CCNY: variants seen among roughly 807,000 people sequenced by gnomAD.
The protein encoded by CCNY is cyclin-Y.
In CCNY, 19 loss-of-function variants were observed where a neutral mutation model predicts 42.8. The ratio of observed to expected loss-of-function variants is 0.44; its 90% CI spans 0.31 to 0.65. CCNY has a LOEUF of 0.65. CCNY is among the 30% of genes least tolerant of loss of function. The pLI, the probability that CCNY is intolerant of heterozygous loss-of-function variation, is 0.07. For synonymous variants in CCNY, 165 were observed against 162.7 expected, an observed-to-expected ratio of 1.01 and a Z score of -0.11; for missense variants, 370 against 437.3, an observed-to-expected ratio of 0.85 and a Z score of 1.37.
chr10:35,458,176 C>A (rs1187383221), intron 1 of CCNY, among the ~76,000 whole-genome samples: 1 of 152,188 alleles, frequency 6.6e-6, no homozygotes, highest in Non-Finnish European at 1.5e-5. Context: ...AGGAACTGGG[C>A]TTTGGGGGTA....
chr10:35,411,507 T>G (rs887068275), intron 1 of CCNY, among the ~76,000 whole-genome samples: 4 of 117,308 alleles, frequency 3.4e-5, no homozygotes, highest in African/African-American at 1.5e-4. Flanking sequence ...AGAGCAAGAC[T>G]CTGTCAAAAA....
At chr10:35,414,971 A>AAGAG (rs1260456136) in intron 1 of CCNY, among the ~76,000 whole-genome samples, 4 of 152,216 alleles carry the variant, frequency 2.6e-5, no homozygotes, top group Non-Finnish European at 5.9e-5. Context: ...TTCCATAAAG[A>AAGAG]AGAGACAAGG....
At chr10:35,522,503 A>G (rs1840569528) in intron 4 of CCNY, among the ~76,000 whole-genome samples, 1 of 152,170 alleles carries the variant, frequency 6.6e-6, no homozygotes, top group Admixed American at 6.5e-5. Context: ...GGCAAGGGCA[A>G]TAAGAGCCAC....
chr10:35,258,092 C>T (rs1050256293), intron 3 of CCNY, among the ~76,000 whole-genome samples: 6 of 152,118 alleles, frequency 3.9e-5, no homozygotes, highest in Admixed American at 3.3e-4. Flanking sequence ...CTTTGGGAGG[C>T]AGAGGTTGCA....
intron 9 of CCNY, 107 bp from the exon 10 acceptor site, chr10:35,568,947 C>G: frequency 1.4e-6 from 1 of 729,508 alleles, no homozygotes; most frequent in Non-Finnish European, 2.4e-6. Flanking sequence ...TCCACAGGGG[C>G]AGGGGCTCTG....
intron 3 of CCNY, among the ~76,000 whole-genome samples, chr10:35,259,011 C>G (rs997769324): frequency 5.9e-5 from 9 of 151,808 alleles, no homozygotes; most frequent in African/African-American, 2.2e-4. Context: ...TAGCTGCTAC[C>G]GCACCAAGAG....
chr10:35,478,902 A>G (rs945002007), intron 1 of CCNY, among the ~76,000 whole-genome samples: 1 of 152,244 alleles, frequency 6.6e-6, no homozygotes, highest in Non-Finnish European at 1.5e-5. Context: ...AATGAACTCA[A>G]ACAAATTTAC....
At chr10:35,546,956 T>A (rs1165108105) in intron 7 of CCNY, among the ~76,000 whole-genome samples, 1 of 152,220 alleles carries the variant, frequency 6.6e-6, no homozygotes, top group Non-Finnish European at 1.5e-5. Flanking sequence ...GGGATCTGGG[T>A]GAAGATTGAG....
chr10:35,480,014 A>G (rs908132426), intron 1 of CCNY, among the ~76,000 whole-genome samples: 7 of 151,578 alleles, frequency 4.6e-5, no homozygotes, highest in African/African-American at 7.3e-5. Flanking sequence ...TTGTTCCCCA[A>G]GGAGGTAGAG....
At chr10:35,397,966 G>T (rs1186207056) in intron 1 of CCNY, among the ~76,000 whole-genome samples, 1 of 152,188 alleles carries the variant, frequency 6.6e-6, no homozygotes, top group African/African-American at 2.4e-5. Context: ...CTTGCTTCCA[G>T]GGCCGAGGGA....
At chr10:35,432,516 A>G (rs1474130294) in intron 1 of CCNY, among the ~76,000 whole-genome samples, 4 of 152,232 alleles carry the variant, frequency 2.6e-5, no homozygotes, top group South Asian at 2.1e-4. Flanking sequence ...ATACTGTGCT[A>G]TGCTTTGGGT....
chr10:35,329,148 A>G (rs1835912043), intron 3 of CCNY, among the ~76,000 whole-genome samples: 1 of 152,246 alleles, frequency 6.6e-6, no homozygotes, highest in African/African-American at 2.4e-5. Flanking sequence ...ATATGGCAAT[A>G]TTAAGAGATT....
intron 1 of CCNY, among the ~76,000 whole-genome samples, chr10:35,391,241 C>G (rs1837406676): frequency 6.6e-6 from 1 of 152,168 alleles, no homozygotes; most frequent in Non-Finnish European, 1.5e-5. Flanking sequence ...CTATGTTGTT[C>G]CCCTATTGGC....
intron 1 of CCNY, among the ~76,000 whole-genome samples, chr10:35,354,467 G>C (rs1009615247): frequency 1.3e-5 from 2 of 152,172 alleles, no homozygotes; most frequent in African/African-American, 4.8e-5. Context: ...TTACAGGCAT[G>C]AGTCACCGCA....
chr10:35,426,474 A>G (rs147556953), intron 1 of CCNY, among the ~76,000 whole-genome samples: 30 of 152,354 alleles, frequency 2.0e-4, no homozygotes, highest in African/African-American at 7.2e-4. Flanking sequence ...TGCAGGCAGT[A>G]GCCACTGCAT....
chr10:35,404,821 G>A (rs562234275), intron 1 of CCNY, among the ~76,000 whole-genome samples: 2 of 152,320 alleles, frequency 1.3e-5, no homozygotes, highest in East Asian at 1.9e-4. Flanking sequence ...TAATGGATGA[G>A]GAAGAAATTT....
intron 1 of CCNY, among the ~76,000 whole-genome samples, chr10:35,452,770 T>TAAAAAAAA (rs35849411): frequency 1.7e-5 from 2 of 115,902 alleles, no homozygotes. Flanking sequence ...TATAGAAAAG[T>TAAAAAAAA]AAAAAAAAAA....
intron 3 of CCNY, among the ~76,000 whole-genome samples, chr10:35,314,323 C>G (rs1465743524): frequency 6.6e-6 from 1 of 152,114 alleles, no homozygotes; most frequent in Non-Finnish European, 1.5e-5. Flanking sequence ...GCACATCTTA[C>G]ATGGTGGCAG....
chr10:35,257,931 T>G (rs4007272), intron 3 of CCNY, among the ~76,000 whole-genome samples: 55,457 of 152,080 alleles, frequency 0.36, 10,594 homozygotes, highest in African/African-American at 0.48. Context: ...TTCTTCAATC[T>G]TTTTTCCTTC....
Sources: gnomAD v4.1 joint callset for allele counts (sites outside exome capture counted in the v4.1 genomes callset) on GRCh38, gnomAD v4.1.1 for gene constraint, MANE v1.5 for transcripts, NCBI Gene and HGNC (gene_info 2026-07-23, HGNC 2026-07-21) for gene names.